Variants in MACROD2 observed in about 807,000 individuals in gnomAD.
The protein encoded by MACROD2 is ADP-ribose glycohydrolase MACROD2.
Under a neutral mutation model 70.4 loss-of-function variants are expected in MACROD2, and 36 were observed. That is an observed-to-expected ratio of 0.51 (90% CI 0.39 to 0.68). The LOEUF is 0.68. Ranked by LOEUF, MACROD2 falls within the 30% of genes least tolerant of loss-of-function variation. The pLI, the probability that MACROD2 is intolerant of heterozygous loss-of-function variation, is 0.00. For missense variants in MACROD2, 496 were observed against 538.4 expected (o/e 0.92, Z 0.78); for synonymous variants, 172 against 178.8 (o/e 0.96, Z 0.30).
chr20:14,393,083 C>T (rs1008505787), intron 3 of MACROD2, among the ~76,000 whole-genome samples: 10 of 151,984 alleles, frequency 6.6e-5, no homozygotes, highest in East Asian at 3.9e-4. Context: ...TTTTTAGACC[C>T]GAGAAAGTGG....
intron 8 of MACROD2, among the ~76,000 whole-genome samples, chr20:15,520,182 A>T (rs948071018): frequency 2.0e-5 from 3 of 152,228 alleles, no homozygotes; most frequent in African/African-American, 4.8e-5. Context: ...TATTTTTTTC[A>T]GTTAATGTAG....
intron 5 of MACROD2, among the ~76,000 whole-genome samples, chr20:15,157,180 T>C (rs7270963): frequency 0.036 from 5,461 of 152,252 alleles, 330 homozygotes; most frequent in African/African-American, 0.12. Flanking sequence ...AAGACTAAGA[T>C]GCCAACAGTC....
chr20:14,964,323 A>C (rs547269848), intron 5 of MACROD2, among the ~76,000 whole-genome samples: 3 of 152,288 alleles, frequency 2.0e-5, no homozygotes, highest in Admixed American at 6.5e-5. Flanking sequence ...CTGTAATCCC[A>C]GCACTTTGGG....
At chr20:14,801,261 A>G (rs1429931469) in intron 5 of MACROD2, among the ~76,000 whole-genome samples, 1 of 152,138 alleles carries the variant, frequency 6.6e-6, no homozygotes, top group Non-Finnish European at 1.5e-5. Context: ...CTCAGCAGTG[A>G]CAGCGTGCTT....
At chr20:15,396,639 T>A (rs2146301369) in intron 6 of MACROD2, among the ~76,000 whole-genome samples, 1 of 152,258 alleles carries the variant, frequency 6.6e-6, no homozygotes, top group East Asian at 1.9e-4. Context: ...CTGTTCTTAA[T>A]GAGTTTTTTA....
chr20:15,968,258 C>A (rs903407018), intron 13 of MACROD2, among the ~76,000 whole-genome samples: 1 of 152,114 alleles, frequency 6.6e-6, no homozygotes. Context: ...TAGCCTTAAC[C>A]TTCTTCTTCC....
intron 5 of MACROD2, among the ~76,000 whole-genome samples, chr20:14,690,104 C>T (rs1156911676): frequency 6.6e-6 from 1 of 151,670 alleles, no homozygotes; most frequent in East Asian, 1.9e-4. Context: ...AATAAAGAAA[C>T]CATATCACCC....
At position 16,035,093 on chromosome 20, in the gene MACROD2, ATAT is replaced by A. The variant is rs199553031; in HGVS notation, c.1154-6104_1154-6102del. Among the ~76,000 whole-genome samples the A allele has an allele frequency of 5.2e-3, 60 of 11,454 alleles. 1 individual carries two copies. Among genetic ancestry groups the A allele is most frequent in the South Asian group, 0.012 (4 of 342 alleles). The allele number at this position is 11,454 out of a possible 152,430, so 7.5% of individuals were successfully genotyped here. A position where few individuals can be genotyped will look rare whatever the true frequency, so the allele number is the denominator to read the frequency against. On this transcript the variant is annotated intron_variant, in intron 15 of 17. Transcript: ENST00000684519. Reference sequence around the variant, plus strand: ...TATAAAATATAATATGTAATATAAAATATTATATATTATATATAAAATATAATA... The same window carrying A: ...TATAAAATATAATATGTAATATAAAATATATATTATATATAAAATATAATA...
intron 3 of MACROD2, among the ~76,000 whole-genome samples, chr20:14,240,953 ACC>A (rs2081923764): frequency 6.6e-6 from 1 of 151,936 alleles, no homozygotes; most frequent in African/African-American, 2.4e-5. Flanking sequence ...ACATGGTGAA[ACC>A]CCCTCTCTAC....
At position 14,482,582 on chromosome 20, in the gene MACROD2, A is replaced by G. The variant is rs1032335144; in HGVS notation, c.272-10897A>G. 3.3e-5 allele frequency among the ~76,000 whole-genome samples: 5 copies of G among 152,282 alleles called. No homozygotes were observed. In the South Asian group the frequency reaches 6.2e-4, roughly 19 times the overall value. On this transcript the variant is annotated intron_variant, in intron 3 of 17. Coordinates refer to ENST00000684519, the MANE Select transcript of MACROD2 (RefSeq NM_001351661.2). ...CAGGTCAGCTTCTGCATGAGCCAGC[A>G]TACTTTAGATGTGTAACAAGACTTT...
rs1225888673 is a variant in MACROD2 at position 15,730,927 on chromosome 20, C to T, written c.646-131818C>T. On this transcript the variant is annotated intron_variant, in intron 8 of 17. Coordinates refer to ENST00000684519, the MANE Select transcript of MACROD2 (RefSeq NM_001351661.2). ...TAAATTAGTTCAGAGAACTGGTCTT[C>T]GAGCTCTGAGATTCTTTCCTCAGCT... Among the ~76,000 whole-genome samples the T allele has an allele frequency of 3.0e-4, 4 of 13,168 alleles. 2 individuals are homozygous for T. The highest frequency in any genetic ancestry group is 7.3e-4 in the African/African-American group (4 of 5,452). The allele number at this position is 13,168 out of a possible 152,430, so 8.6% of individuals were successfully genotyped here.
chr20:14,502,006 T>C (rs1364197403), intron 4 of MACROD2, among the ~76,000 whole-genome samples: 1 of 152,214 alleles, frequency 6.6e-6, no homozygotes, highest in Non-Finnish European at 1.5e-5. Flanking sequence ...AAAATCTTTT[T>C]AAAACTATAA....
chr20:14,338,244 G>A (rs543185001), intron 3 of MACROD2, among the ~76,000 whole-genome samples: 46 of 152,256 alleles, frequency 3.0e-4, no homozygotes, highest in Middle Eastern at 3.4e-3. Context: ...CTGGGCGCCC[G>A]TAATCCCAGC....
At chr20:14,887,442 A>G (rs6042964) in intron 5 of MACROD2, among the ~76,000 whole-genome samples, 150,682 of 151,182 alleles carry the variant, frequency 1, 75,092 homozygotes, top group Middle Eastern at 1. Context: ...ACCCAGGCTC[A>G]AGTGCAGTGG....
chr20:14,606,316 TA>T (rs1367133346), intron 4 of MACROD2, among the ~76,000 whole-genome samples: 6 of 152,262 alleles, frequency 3.9e-5, no homozygotes, highest in South Asian at 4.1e-4. Context: ...TAGGGTTTTT[TA>T]ATGTCTAAAA....
chr20:14,853,898 C>A (rs1297156475), intron 5 of MACROD2, among the ~76,000 whole-genome samples: 1 of 151,984 alleles, frequency 6.6e-6, no homozygotes, highest in African/African-American at 2.4e-5. Flanking sequence ...TAAGAGGAAC[C>A]ATTAAACATA....
intron 6 of MACROD2, among the ~76,000 whole-genome samples, chr20:15,333,111 G>T (rs536558622): frequency 6.6e-6 from 1 of 151,524 alleles, no homozygotes; most frequent in Non-Finnish European, 1.5e-5. Flanking sequence ...TATTTACCTA[G>T]AGCAATGGTT....
chr20:14,946,817 T>C (rs925773531), intron 5 of MACROD2, among the ~76,000 whole-genome samples: 1 of 152,224 alleles, frequency 6.6e-6, no homozygotes, highest in African/African-American at 2.4e-5. Context: ...TAATTCACTT[T>C]CATTCCACGT....
At chr20:14,147,746 G>A (rs2054960515) in intron 3 of MACROD2, among the ~76,000 whole-genome samples, 1 of 152,166 alleles carries the variant, frequency 6.6e-6, no homozygotes, top group African/African-American at 2.4e-5. Flanking sequence ...CTTCCATTTA[G>A]TAAAAATTCA....
Sources: gnomAD v4.1 joint callset for allele counts (sites outside exome capture counted in the v4.1 genomes callset) on GRCh38, gnomAD v4.1.1 for gene constraint, MANE v1.5 for transcripts, NCBI Gene and HGNC (gene_info 2026-07-23, HGNC 2026-07-21) for gene names.